Variants in POLN observed in about 807,000 individuals in gnomAD.
POLN encodes DNA polymerase N.
Under a neutral mutation model 113.5 loss-of-function variants are expected in POLN, and 108 were observed. That is an observed-to-expected ratio of 0.95 (90% CI 0.81 to 1.12). POLN has a LOEUF of 1.12. POLN is among the 50% of genes most tolerant of loss of function. POLN has a pLI of 0.00. For missense variants in POLN, 1,097 were observed against 1,077.1 expected (o/e 1.02, Z -0.26); for synonymous variants, 386 against 391.5 (o/e 0.99, Z 0.17).
intron 3 of POLN, among the ~76,000 whole-genome samples, chr4:2,219,943 T>C (rs1031600606): frequency 9.9e-5 from 15 of 152,092 alleles, no homozygotes; most frequent in African/African-American, 3.6e-4. Context: ...TATCCAACCT[T>C]AGTTCCACCT....
chr4:2,148,922 A>T (rs951275670), intron 16 of POLN, among the ~76,000 whole-genome samples: 1 of 152,032 alleles, frequency 6.6e-6, no homozygotes, highest in African/African-American at 2.4e-5. Context: ...AAGTATTGAG[A>T]AAAAAAACCT....
At position 2,220,269 on chromosome 4, in the gene POLN, G is replaced by A. The variant is rs566490048; in HGVS notation, c.134-7143C>T. Reference sequence around the variant, plus strand: ...CTTTGCTTTGCTTTCCTTTCTTCTTGCTCCTGCAGCTCTTAACCAGTGTAC... The same window carrying A: ...CTTTGCTTTGCTTTCCTTTCTTCTTACTCCTGCAGCTCTTAACCAGTGTAC... On this transcript the variant is annotated intron_variant, in intron 3 of 25. Transcript: ENST00000511885. Among the ~76,000 whole-genome samples, 3 of 152,164 alleles carry A rather than the reference G, an allele frequency of 2.0e-5. No individual in the cohort carries two copies. In the East Asian group the frequency reaches 5.8e-4, roughly 29 times the overall value.
rs753266612 is a variant in POLN at position 2,128,222 on chromosome 4, A to C, written c.1873T>G (p.Ser625Ala). Residue 625 changes from serine to alanine, a missense_variant, in exon 19 of 26, where the codon TCA becomes GCA. Physicochemically the swap from Ser to Ala is moderately conservative, Grantham distance 99. Coordinates refer to ENST00000511885, the MANE Select transcript of POLN (RefSeq NM_181808.4). ...KGHTFLAADF[S>A]QIELRILTHL... ...GTAAGAATGCGCAATTCAATCTGTG[A>C]AAAGTCTGTGAGATACAGTTCTGCA... 6.3e-7 allele frequency: 1 copy of C among 1,597,992 alleles called. No homozygotes were observed. The highest frequency in any genetic ancestry group is 8.6e-7 in the Non-Finnish European group (1 of 1,165,938).
At chr4:2,144,921 T>C (rs1185273050) in intron 16 of POLN, among the ~76,000 whole-genome samples, 3 of 152,098 alleles carry the variant, frequency 2.0e-5, no homozygotes, top group Non-Finnish European at 2.9e-5. Context: ...AATGAAACTA[T>C]TGGAAGTTAA....
At chr4:2,089,143 A>G in intron 20 of POLN, 4 of 1,287,394 alleles carry the variant, frequency 3.1e-6, no homozygotes, top group East Asian at 2.5e-5. Flanking sequence ...CCTAAGATCA[A>G]TATTTGAATC....
chr4:2,171,229 T>G (rs747525466), intron 11 of POLN, 48 bp from the exon 12 acceptor site: 2 of 1,529,016 alleles, frequency 1.3e-6, no homozygotes, highest in Non-Finnish European at 1.8e-6. Context: ...TTTTCACAAT[T>G]TAAGATTGTT....
At chr4:2,236,503 AT>A in intron 2 of POLN, 1 of 1,343,198 alleles carries the variant, frequency 7.4e-7, no homozygotes, top group Non-Finnish European at 1.1e-6. Context: ...TCAAGTCAGT[AT>A]CATTTTCAAA....
chr4:2,077,530 C>T (rs1192700784), intron 23 of POLN, among the ~76,000 whole-genome samples: 2 of 152,204 alleles, frequency 1.3e-5, no homozygotes, highest in Non-Finnish European at 2.9e-5. Context: ...GTCAGAGGGG[C>T]GACAGAGCCC....
chr4:2,138,554 G>A (rs1409174374), intron 16 of POLN, among the ~76,000 whole-genome samples: 2 of 152,170 alleles, frequency 1.3e-5, no homozygotes, highest in Non-Finnish European at 1.5e-5. Flanking sequence ...TTGAGCTGAG[G>A]AATCGCCACC....
At chr4:2,142,971 C>T (rs2108732349) in intron 16 of POLN, among the ~76,000 whole-genome samples, 1 of 152,102 alleles carries the variant, frequency 6.6e-6, no homozygotes, top group East Asian at 1.9e-4. Flanking sequence ...CAATCTCTCT[C>T]CCCTGTTGCT....
intron 16 of POLN, among the ~76,000 whole-genome samples, chr4:2,153,884 G>A (rs1302020966): frequency 6.6e-6 from 1 of 151,618 alleles, no homozygotes; most frequent in Non-Finnish European, 1.5e-5. Context: ...GCACCCGGCT[G>A]TTATTTGTAT....
intron 20 of POLN, among the ~76,000 whole-genome samples, chr4:2,094,687 T>C (rs764362342): frequency 6.6e-6 from 1 of 151,866 alleles, no homozygotes; most frequent in African/African-American, 2.4e-5. Context: ...GAGGGAAGAG[T>C]AGTGCAAAGC....
Position 2,214,790 on chromosome 4 carries a change from A to G in POLN, c.134-1664T>C, listed in dbSNP as rs1341286851. Among the ~76,000 whole-genome samples, 3 of 152,038 alleles carry G rather than the reference A, an allele frequency of 2.0e-5. No individual in the cohort carries two copies. The East Asian group carries it at 5.8e-4, about 29-fold the overall frequency. On this transcript the variant is annotated intron_variant, in intron 3 of 25. Coordinates refer to ENST00000511885, the MANE Select transcript of POLN (RefSeq NM_181808.4). ...AGATGGGCCTCTGGGAATGCTAGTT[A>G]TGTTTCCTGAACTGGGTTTGGGTTT...
rs370715034 is a variant in POLN at position 2,156,860 on chromosome 4, T to C, written c.1666-7A>G. On this transcript the variant is annotated splice_region_variant and splice_polypyrimidine_tract_variant and intron_variant, in intron 15 of 25. Transcript: ENST00000511885. ...ATGTAGAGGAAATGGAGCCCTTTATTAGTTAAAAAGAATCAGTGTAAACTC... is the reference window on the plus strand; with the variant it reads ...ATGTAGAGGAAATGGAGCCCTTTATCAGTTAAAAAGAATCAGTGTAAACTC... 4 of 1,607,214 alleles carry C rather than the reference T, an allele frequency of 2.5e-6. No homozygotes were observed. The highest frequency in any genetic ancestry group is 3.4e-6 in the Non-Finnish European group (4 of 1,173,802).
At chr4:2,222,932 G>A (rs1423635677) in intron 3 of POLN, among the ~76,000 whole-genome samples, 1 of 152,100 alleles carries the variant, frequency 6.6e-6, no homozygotes, top group Non-Finnish European at 1.5e-5. Context: ...CTTACCTGCG[G>A]GAGACCAAAC....
intron 21 of POLN, among the ~76,000 whole-genome samples, chr4:2,083,826 A>G (rs35000671): frequency 0.11 from 17,119 of 152,334 alleles, 3,243 homozygotes; most frequent in African/African-American, 0.39. Context: ...AAGGTGTGTG[A>G]TGGAGGAAGA....
At chr4:2,179,489 T>A (rs1320790919) in intron 7 of POLN, 24 bp from the exon 8 acceptor site, 1 of 1,608,402 alleles carries the variant, frequency 6.2e-7, no homozygotes, top group Non-Finnish European at 8.5e-7. Context: ...GGTCATTCAG[T>A]CATCCCAAGA....
rs146221201 is a variant in POLN at position 2,101,676 on chromosome 4, G to A, written c.1983-5743C>T. 2.5e-3 allele frequency among the ~76,000 whole-genome samples: 384 copies of A among 152,356 alleles called. 4 individuals are homozygous for A. Among genetic ancestry groups the A allele is most frequent in the African/African-American group, 8.8e-3 (367 of 41,582 alleles). ...GGTCCTAGCTTTTAACAGACTGTGT[G>A]GTGCCATGAAACAATGGCGTTAGGC... On this transcript the variant is annotated intron_variant, in intron 19 of 25. Coordinates refer to ENST00000511885, the MANE Select transcript of POLN (RefSeq NM_181808.4).
chr4:2,241,052 A>G (rs1734968967), intron 2 of POLN: 2 of 784,592 alleles, frequency 2.5e-6, no homozygotes, highest in East Asian at 2.5e-5. Context: ...CCAAGTCCAC[A>G]GAGAAGGGAA....
Sources: gnomAD v4.1 joint callset for allele counts (sites outside exome capture counted in the v4.1 genomes callset) on GRCh38, gnomAD v4.1.1 for gene constraint, MANE v1.5 for transcripts, NCBI Gene and HGNC (gene_info 2026-07-23, HGNC 2026-07-21) for gene names.